Variants in DOCK3 observed in about 807,000 individuals in gnomAD.
DOCK3 encodes dedicator of cytokinesis protein 3.
A neutral mutation model predicts 265.6 loss-of-function variants in DOCK3; 60 were observed. The ratio of observed to expected loss-of-function variants is 0.23; its 90% CI spans 0.18 to 0.28. DOCK3 has a LOEUF of 0.28. Among genes scored for constraint, DOCK3 ranks in the 10% least tolerant of loss-of-function variants. The pLI is 1.00. For missense variants in DOCK3, 1,981 were observed against 2,594.3 expected, an observed-to-expected ratio of 0.76 and a Z score of 5.14; for synonymous variants, 881 against 938.0, an observed-to-expected ratio of 0.94 and a Z score of 1.11.
In DOCK3 at chr3:51,277,682, C is replaced by A; in HGVS notation, c.2751C>A (p.Thr917=). Reference sequence around the variant, plus strand: ...ACGTGCTCTTGCAGACTCTGCTCACCATCATGAGCAAATCGCACGCTCAGG... The same window carrying A: ...ACGTGCTCTTGCAGACTCTGCTCACAATCATGAGCAAATCGCACGCTCAGG... ...LLDVLLQTLL[T]IMSKSHAQEA... is the part of the protein sequence containing the mutation. The change falls in exon 26 of 53, where the codon ACC becomes ACA. Residue 917 remains threonine (T), a synonymous_variant. Transcript: ENST00000266037. 1.2e-6 allele frequency: 2 copies of A among 1,609,254 alleles called. No individual in the cohort carries two copies. The highest frequency in any genetic ancestry group is 2.2e-5 in the South Asian group (2 of 90,468).
intron 1 of DOCK3, among the ~76,000 whole-genome samples, chr3:50,740,574 A>G (rs1447639722): frequency 1.3e-5 from 2 of 152,126 alleles, no homozygotes; most frequent in Non-Finnish European, 2.9e-5. Flanking sequence ...ATAGGTGTGT[A>G]GTGGTATCTC....
chr3:51,337,508 G>A (rs1289872340), intron 35 of DOCK3, among the ~76,000 whole-genome samples: 1 of 152,160 alleles, frequency 6.6e-6, no homozygotes, highest in African/African-American at 2.4e-5. Context: ...ATACACAGCT[G>A]CACAAGAAAC....
intron 1 of DOCK3, among the ~76,000 whole-genome samples, chr3:50,735,258 T>C (rs1440240012): frequency 1.3e-5 from 2 of 152,228 alleles, no homozygotes; most frequent in Non-Finnish European, 2.9e-5. Flanking sequence ...GAGAACTTGA[T>C]TATAATGTGC....
intron 3 of DOCK3, among the ~76,000 whole-genome samples, chr3:50,859,463 C>T (rs977135542): frequency 1.3e-5 from 2 of 151,752 alleles, no homozygotes; most frequent in Non-Finnish European, 2.9e-5. Flanking sequence ...TGATCCACCC[C>T]CCTCGGCCTC....
chr3:51,261,292 T>C (rs895725500), intron 23 of DOCK3, among the ~76,000 whole-genome samples: 1 of 151,938 alleles, frequency 6.6e-6, no homozygotes, highest in Non-Finnish European at 1.5e-5. Flanking sequence ...GGGCGTCGCC[T>C]CACCTTGGAA....
chr3:50,822,889 TA>T (rs1367682738), intron 2 of DOCK3, among the ~76,000 whole-genome samples: 29 of 152,206 alleles, frequency 1.9e-4, no homozygotes, highest in African/African-American at 6.3e-4. Flanking sequence ...TTAATGAGAT[TA>T]TATGGAGAAT....
At chr3:51,219,666 G>A (rs981072203) in intron 14 of DOCK3, among the ~76,000 whole-genome samples, 1 of 152,192 alleles carries the variant, frequency 6.6e-6, no homozygotes, top group Non-Finnish European at 1.5e-5. Flanking sequence ...AAGGTGGAAA[G>A]CTTCTCTTTT....
At chr3:51,129,315 G>A (rs375518041) in intron 9 of DOCK3, among the ~76,000 whole-genome samples, 2 of 152,142 alleles carry the variant, frequency 1.3e-5, no homozygotes, top group Non-Finnish European at 2.9e-5. Flanking sequence ...TGCATATCGC[G>A]CAGAGCCACC....
At chr3:51,066,844 A>T (rs2081607537) in intron 6 of DOCK3, among the ~76,000 whole-genome samples, 1 of 152,188 alleles carries the variant, frequency 6.6e-6, no homozygotes, top group African/African-American at 2.4e-5. Flanking sequence ...TTGTTTAATT[A>T]CACCCTATCA....
chr3:50,737,068 A>T (rs2038681777), intron 1 of DOCK3, among the ~76,000 whole-genome samples: 1 of 151,834 alleles, frequency 6.6e-6, no homozygotes, highest in South Asian at 2.1e-4. Context: ...TTTCTTGTAA[A>T]TTTGTTTGAG....
intron 12 of DOCK3, among the ~76,000 whole-genome samples, chr3:51,197,752 C>T (rs544979685): frequency 7.9e-5 from 12 of 152,210 alleles, no homozygotes; most frequent in Middle Eastern, 6.8e-3. Context: ...AGCAGCTATG[C>T]TAACACCCTG....
intron 3 of DOCK3, among the ~76,000 whole-genome samples, chr3:50,871,722 T>C (rs1275274877): frequency 6.6e-6 from 1 of 152,200 alleles, no homozygotes; most frequent in African/African-American, 2.4e-5. Flanking sequence ...TTAACTTTTG[T>C]CTCCTTTGTG....
At chr3:51,126,455 C>A (rs1421389244) in intron 9 of DOCK3, among the ~76,000 whole-genome samples, 2 of 152,152 alleles carry the variant, frequency 1.3e-5, no homozygotes, top group Non-Finnish European at 2.9e-5. Context: ...TCTTTAGTCC[C>A]CATGGGTGTG....
At chr3:51,111,141 A>G (rs1228939426) in intron 9 of DOCK3, among the ~76,000 whole-genome samples, 3 of 152,204 alleles carry the variant, frequency 2.0e-5, no homozygotes, top group Non-Finnish European at 2.9e-5. Flanking sequence ...AGAGATCTCT[A>G]CAATGAGAAT....
At chr3:50,867,952 A>G (rs1331373846) in intron 3 of DOCK3, among the ~76,000 whole-genome samples, 1 of 151,962 alleles carries the variant, frequency 6.6e-6, no homozygotes, top group African/African-American at 2.4e-5. Flanking sequence ...AATGGTTTGG[A>G]TGTATCCCCT....
At chr3:50,890,638 T>G (rs1470751219) in intron 4 of DOCK3, among the ~76,000 whole-genome samples, 1 of 152,270 alleles carries the variant, frequency 6.6e-6, no homozygotes, top group African/African-American at 2.4e-5. Context: ...TCATGTTTAA[T>G]AATAAGTATT....
intron 9 of DOCK3, among the ~76,000 whole-genome samples, chr3:51,103,668 C>T (rs142318711): frequency 2.6e-5 from 4 of 152,310 alleles, no homozygotes; most frequent in Middle Eastern, 3.4e-3. Context: ...TCCCAGATAT[C>T]AGTGAAAACT....
At chr3:51,375,481 G>A (rs1165242966) in intron 50 of DOCK3, among the ~76,000 whole-genome samples, 4 of 152,150 alleles carry the variant, frequency 2.6e-5, no homozygotes, top group Non-Finnish European at 5.9e-5. Context: ...TGTTTCTTGG[G>A]CCCTACATAA....
At chr3:50,914,259 T>C (rs2050006618) in intron 4 of DOCK3, among the ~76,000 whole-genome samples, 1 of 152,016 alleles carries the variant, frequency 6.6e-6, no homozygotes. Flanking sequence ...CTCATCTAAT[T>C]ATTTACATTC....
Sources: allele counts gnomAD v4.1 joint callset (sites outside exome capture counted in the v4.1 genomes callset), GRCh38; gene constraint gnomAD v4.1.1; transcripts MANE v1.5; gene names NCBI Gene and HGNC (gene_info 2026-07-23, HGNC 2026-07-21).